ZNF76: variants seen among roughly 807,000 people sequenced by gnomAD.
ZNF76 encodes zinc finger protein 76.
ZNF76 carries 66 observed loss-of-function variants against 66.9 expected under a neutral mutation model. The ratio of observed to expected loss-of-function variants is 0.99; its 90% CI spans 0.81 to 1.21. ZNF76 has a LOEUF of 1.21. ZNF76 is among the 50% of genes most tolerant of loss of function. ZNF76 has a pLI of 0.00. For synonymous variants in ZNF76, 275 were observed against 296.1 expected (o/e 0.93, Z 0.73); for missense variants, 729 against 760.3 (o/e 0.96, Z 0.48).
At chr6:35,269,577 A>G (rs1306981833) in intron 1 of ZNF76, among the ~76,000 whole-genome samples, 3 of 152,172 alleles carry the variant, frequency 2.0e-5, no homozygotes, top group East Asian at 3.9e-4. Flanking sequence ...GATGGTTGAT[A>G]AAGCATGAGA....
intron 13 of ZNF76, 57 bp downstream of exon 13, chr6:35,294,626 T>TAAA (rs1174088630): frequency 8.2e-7 from 1 of 1,217,252 alleles, no homozygotes; most frequent in African/African-American, 1.5e-5. Context: ...CAACAAGGAA[T>TAAA]AAAGGGGAAT....
rs961505950 is a variant in ZNF76, at chr6:35,291,358, T to G, written c.706T>G (p.Phe236Val). The G allele has an allele frequency of 1.1e-5, 18 of 1,614,090 alleles. No homozygotes were observed. The highest frequency in any genetic ancestry group is 1.5e-5 in the Non-Finnish European group (18 of 1,179,994). Reference sequence around the variant, plus strand: ...CCCAGAGGAGCTGTGCAGCAAGGCCTTCAAGACCTCAGGAGACCTGCAGAA... The same window carrying G: ...CCCAGAGGAGCTGTGCAGCAAGGCCGTCAAGACCTCAGGAGACCTGCAGAA... ...KCPEELCSKAFKTSGDLQKHV... is the reference protein window; with the variant it reads ...KCPEELCSKAVKTSGDLQKHV... The change falls in exon 8 of 14, where the codon TTC (phenylalanine) becomes GTC (valine). Residue 236 changes from phenylalanine to valine, a missense_variant. Transcript: ENST00000373953.
At chr6:35,260,967 C>T (rs1246479301) in intron 1 of ZNF76, among the ~76,000 whole-genome samples, 2 of 152,120 alleles carry the variant, frequency 1.3e-5, no homozygotes, top group Non-Finnish European at 1.5e-5. Flanking sequence ...CTTGATCAGG[C>T]CCCATCAGTT....
chr6:35,290,660 C>T lies in ZNF76; in HGVS notation c.569C>T (p.Thr190Ile). The T allele has an allele frequency of 1.2e-6, 2 of 1,614,212 alleles. No individual in the cohort carries two copies. The highest frequency in any genetic ancestry group is 1.7e-6 in the Non-Finnish European group (2 of 1,180,034). Residue 190 changes from threonine (T) to isoleucine (I), a missense_variant, in exon 7 of 14, where the codon ACA becomes ATA. Coordinates refer to ENST00000373953, the MANE Select transcript of ZNF76 (RefSeq NM_003427.5). The stretch of plus-strand genomic sequence containing the variant: ...TCACAGGTGCATGAACGAGCTCATA[C>T]AGGTGACCGTCCATACAGATGTGAC... ...HHLKVHERAH[T>I]GDRPYRCDFP...
At position 35,287,813 on chromosome 6, in the gene ZNF76, G is replaced by A. The variant is rs141811881; in HGVS notation, c.400G>A (p.Ala134Thr). ...AEDDEGFSAD[A>T]VVALEQYASK... ...GGATGATGAGGGCTTCAGTGCAGAC[G>A]CAGTGGTGGCCCTGGAGCAGTATGC... is the stretch of plus-strand genomic sequence containing the variant. The change falls in exon 5 of 14, where the codon GCA becomes ACA. Residue 134 changes from alanine to threonine, a missense_variant. By Grantham distance (58) the Ala-to-Thr change is moderately conservative. Coordinates refer to ENST00000373953, the MANE Select transcript of ZNF76 (RefSeq NM_003427.5). This position sits in a 1 kb window ranked among gnomAD's most constrained non-coding sequence, Gnocchi z 4.0. 922 of 1,607,994 alleles carry A rather than the reference G, an allele frequency of 5.7e-4. No homozygotes were observed. The highest frequency in any genetic ancestry group is 8.3e-4 in the Middle Eastern group (5 of 6,054).
chr6:35,280,719 G>T lies in ZNF76; in HGVS notation c.-96-337G>T, dbSNP rs183254434. Among the ~76,000 whole-genome samples, 154 of 152,320 alleles carry T rather than the reference G, an allele frequency of 1.0e-3. 1 individual carries two copies. Among genetic ancestry groups the T allele is most frequent in the African/African-American group, 3.6e-3 (149 of 41,572 alleles). On this transcript the variant is annotated intron_variant, in intron 1 of 13. Coordinates refer to ENST00000373953, the MANE Select transcript of ZNF76 (RefSeq NM_003427.5). The stretch of plus-strand genomic sequence containing the variant: ...AAATGGGTCCGAGCACAGGAGAGAT[G>T]TTGGAGTAGGCAGAGAGAACCATCA...
intron 5 of ZNF76, chr6:35,288,447 G>T: frequency 3.0e-6 from 1 of 328,914 alleles, no homozygotes. Flanking sequence ...CCATGGTCCT[G>T]CATGTGGGGA....
chr6:35,266,453 T>G (rs191146734), intron 1 of ZNF76, among the ~76,000 whole-genome samples: 1 of 152,116 alleles, frequency 6.6e-6, no homozygotes, highest in Non-Finnish European at 1.5e-5. Flanking sequence ...TCTACTGAAA[T>G]TGGGGAGCCT....
rs746363363 is a variant in ZNF76, at chr6:35,292,602, C to A, written c.980C>A (p.Thr327Asn). 3 of 1,613,834 alleles carry A rather than the reference C, an allele frequency of 1.9e-6. No individual in the cohort carries two copies. Among genetic ancestry groups the A allele is most frequent in the Non-Finnish European group, 2.5e-6 (3 of 1,180,042 alleles). ...CTVPGCGKRF[T>N]EYSSLYKHHV... ...GTGCCAGGCTGCGGGAAACGCTTCA[C>A]CGAGTACTCGAGCTTGTATAAGCAC... The change falls in exon 10 of 14, where the codon ACC becomes AAC. Residue 327 changes from threonine (T) to asparagine (N), a missense_variant. Coordinates refer to ENST00000373953, the MANE Select transcript of ZNF76 (RefSeq NM_003427.5). This position sits in a 1 kb window ranked among gnomAD's most constrained non-coding sequence, Gnocchi z 4.7.
At chr6:35,271,941 T>G (rs773869276) in intron 1 of ZNF76, among the ~76,000 whole-genome samples, 2 of 139,460 alleles carry the variant, frequency 1.4e-5, no homozygotes, top group Non-Finnish European at 3.1e-5. Context: ...ATTTAAAAAT[T>G]TAAAAAAAGA....
intron 1 of ZNF76, among the ~76,000 whole-genome samples, chr6:35,273,025 G>A (rs1005026010): frequency 6.6e-6 from 1 of 151,888 alleles, no homozygotes; most frequent in East Asian, 2.0e-4. Flanking sequence ...GCCTGGTGGC[G>A]CGCACCTGTA....
At chr6:35,277,945 C>T (rs923166257) in intron 1 of ZNF76, among the ~76,000 whole-genome samples, 25 of 151,928 alleles carry the variant, frequency 1.6e-4, no homozygotes, top group East Asian at 9.7e-4. Flanking sequence ...CTGCAAGCTC[C>T]GCCTCCCAGG....
At chr6:35,273,841 G>T (rs538476225) in intron 1 of ZNF76, among the ~76,000 whole-genome samples, 1 of 133,470 alleles carries the variant, frequency 7.5e-6, no homozygotes, top group Non-Finnish European at 1.6e-5. Context: ...CTTTTAAATG[G>T]CGCTTCTTCT....
At chr6:35,274,785 A>T (rs751708669) in intron 1 of ZNF76, among the ~76,000 whole-genome samples, 59 of 152,256 alleles carry the variant, frequency 3.9e-4, no homozygotes, top group Non-Finnish European at 1.3e-4. Flanking sequence ...TTTTAACATT[A>T]AGAAACACAT....
At position 35,292,484 on chromosome 6, in the gene ZNF76, C is replaced by T; in HGVS notation, c.932-70C>T. ...CTCTCCCTTCACCAACCCTGTCCCT[C>T]ACCCCTGTCCCCTTAGTTTCCCCCT... On this transcript the variant is annotated intron_variant, in intron 9 of 13. Transcript: ENST00000373953. This position sits in a 1 kb window ranked among gnomAD's most constrained non-coding sequence, Gnocchi z 4.7. 1 of 1,540,950 alleles carries T rather than the reference C, an allele frequency of 6.5e-7. No individual in the cohort carries two copies. Among genetic ancestry groups the T allele is most frequent in the Non-Finnish European group, 8.9e-7 (1 of 1,124,442 alleles).
chr6:35,276,409 CCCT>C (rs1252605072), intron 1 of ZNF76, among the ~76,000 whole-genome samples: 4 of 152,200 alleles, frequency 2.6e-5, no homozygotes, highest in African/African-American at 9.7e-5. Context: ...CTCTTCCTTC[CCCT>C]CCTCCTGATA....
chr6:35,277,226 G>A (rs1166987893), intron 1 of ZNF76, among the ~76,000 whole-genome samples: 1 of 152,196 alleles, frequency 6.6e-6, no homozygotes, highest in East Asian at 1.9e-4. Flanking sequence ...GACCAAGAGA[G>A]GCCAGGAGCA....
In ZNF76 at chr6:35,281,215, G is replaced by A. The variant is rs767781945; in HGVS notation, c.64G>A (p.Ala22Thr). Reference sequence around the variant, plus strand: ...TGGGACAACAGCCTACGTCCAGCAAGCTGTCAAAGGTAAGTATTTCTGGGG... The same window carrying A: ...TGGGACAACAGCCTACGTCCAGCAAACTGTCAAAGGTAAGTATTTCTGGGG... ...SDGTTAYVQQ[A>T]VKGEKLLEGQ... is the part of the protein sequence containing the mutation. The change falls in exon 2 of 14, where the codon GCT becomes ACT. Residue 22 changes from alanine (A) to threonine (T), a missense_variant. Ala to Thr is a moderately conservative substitution (Grantham distance 58). Transcript: ENST00000373953. 4.3e-6 allele frequency: 7 copies of A among 1,613,572 alleles called. No individual in the cohort carries two copies. Among genetic ancestry groups the A allele is most frequent in the Non-Finnish European group, 5.1e-6 (6 of 1,180,006 alleles).
chr6:35,294,080 T>A, intron 12 of ZNF76, 165 bp downstream of exon 12: 1 of 787,718 alleles, frequency 1.3e-6, no homozygotes, highest in Non-Finnish European at 2.0e-6. Flanking sequence ...AGCTCTTACC[T>A]TTAAAAGCAG....
Sources: gnomAD v4.1 joint callset for allele counts (sites outside exome capture counted in the v4.1 genomes callset) on GRCh38, gnomAD v4.1.1 for gene constraint, Gnocchi (gnomAD v3.1) non-coding constraint, MANE v1.5 for transcripts, NCBI Gene and HGNC (gene_info 2026-07-23, HGNC 2026-07-21) for gene names.